The following SEH1L variants were observed in gnomAD, a reference collection of about 807,000 sequenced individuals.
The protein encoded by SEH1L is nucleoporin SEH1.
A neutral mutation model predicts 49.5 loss-of-function variants in SEH1L; 18 were observed. The observed-to-expected ratio is 0.36, with a 90% confidence interval of 0.25 to 0.54. The LOEUF (loss-of-function observed/expected upper bound fraction) is 0.54. Ranked by LOEUF, SEH1L falls within the 20% of genes least tolerant of loss-of-function variation. SEH1L has a pLI of 0.87. For missense variants in SEH1L, 404 were observed against 528.8 expected, an observed-to-expected ratio of 0.76 and a Z score of 2.31; for synonymous variants, 169 against 178.1, an observed-to-expected ratio of 0.95 and a Z score of 0.41.
chr18:12,954,179 TAGCTATACAGTGTGAA>T (rs1303816891), intron 2 of SEH1L, among the ~76,000 whole-genome samples: 6 of 152,264 alleles, frequency 3.9e-5, no homozygotes, highest in Non-Finnish European at 8.8e-5. Context: ...TAAAAAATGT[TAGCTATACAGTGTGAA>T]ACACATTTTC....
At chr18:12,971,112 T>C in intron 4 of SEH1L, 41 bp from the exon 5 acceptor site, 1 of 1,387,866 alleles carries the variant, frequency 7.2e-7, no homozygotes. Flanking sequence ...GAAATGTGTA[T>C]TTCTTTTGTT....
At position 12,948,216 on chromosome 18, in the gene SEH1L, G is replaced by A. The variant is rs759491753; in HGVS notation, c.95G>A (p.Ser32Asn). 1.2e-6 allele frequency: 2 copies of A among 1,611,888 alleles called. No individual in the cohort carries two copies. Among genetic ancestry groups the A allele is most frequent in the Admixed American group, 1.7e-5 (1 of 59,962 alleles). Residue 32 changes from serine (S) to asparagine (N), a missense_variant, in exon 1 of 9, where the codon AGC becomes AAC. Ser to Asn is a conservative substitution (Grantham distance 46, BLOSUM62 1). Transcript: ENST00000399892. ...GGGCGGCGGATGGCAACCTGCTCCA[G>A]CGATCAGAGCGTTAAGGTGCGCGCG... ...FHGRRMATCSSDQSVKVWDKS... is the reference protein window; with the variant it reads ...FHGRRMATCSNDQSVKVWDKS...
intron 3 of SEH1L, among the ~76,000 whole-genome samples, chr18:12,960,709 A>G (rs546159891): frequency 6.6e-6 from 1 of 152,322 alleles, no homozygotes; most frequent in Non-Finnish European, 1.5e-5. Context: ...AGTATACTAT[A>G]GATTGGATTT....
chr18:12,975,822 T>C (rs774987725), intron 5 of SEH1L: 6 of 985,822 alleles, frequency 6.1e-6, no homozygotes, highest in Non-Finnish European at 7.2e-6. Context: ...GGACATGCAC[T>C]GTGGCGTGGG....
intron 2 of SEH1L, among the ~76,000 whole-genome samples, chr18:12,952,204 AC>A (rs1195568876): frequency 2.7e-5 from 4 of 149,002 alleles, no homozygotes. Context: ...AAAAAAAAAA[AC>A]AAAACCTTTA....
At chr18:12,970,207 A>T (rs987808816) in intron 4 of SEH1L, among the ~76,000 whole-genome samples, 3 of 152,188 alleles carry the variant, frequency 2.0e-5, no homozygotes, top group Admixed American at 2.0e-4. Context: ...ATTAATCTGG[A>T]TGAGGGAGGC....
intron 5 of SEH1L, chr18:12,977,403 C>T (rs1460103222): frequency 6.6e-6 from 1 of 152,176 alleles, no homozygotes; most frequent in East Asian, 1.9e-4. Flanking sequence ...ATGAAATAGC[C>T]TTTGCATAGT....
intron 3 of SEH1L, among the ~76,000 whole-genome samples, chr18:12,962,459 CT>C (rs3070220): frequency 3.3e-4 from 21 of 63,652 alleles, no homozygotes; most frequent in Admixed American, 7.1e-4. Flanking sequence ...GCATGCCTTT[CT>C]TTTTTTTTTT....
chr18:12,961,815 C>T (rs115288645), intron 3 of SEH1L, among the ~76,000 whole-genome samples: 27 of 152,082 alleles, frequency 1.8e-4, no homozygotes, highest in African/African-American at 5.8e-4. Context: ...TGCAGGCGCC[C>T]GCCACAATGT....
At chr18:12,962,290 T>C (rs1455137129) in intron 3 of SEH1L, among the ~76,000 whole-genome samples, 1 of 150,846 alleles carries the variant, frequency 6.6e-6, no homozygotes, top group Non-Finnish European at 1.5e-5. Context: ...TCCCAGCTAC[T>C]GGGAAGGCTG....
intron 1 of SEH1L, chr18:12,948,553 C>T (rs1180815638): frequency 1.4e-5 from 3 of 220,760 alleles, no homozygotes; most frequent in Non-Finnish European, 2.6e-5. Context: ...CCGTCAGCCT[C>T]GGCGTCGTGG....
At chr18:12,985,885 A>G in intron 8 of SEH1L, 1 of 969,272 alleles carries the variant, frequency 1.0e-6, no homozygotes, top group Non-Finnish European at 1.2e-6. Context: ...GTTTGTAGCC[A>G]GGTTAAGCAT....
intron 1 of SEH1L, among the ~76,000 whole-genome samples, chr18:12,949,245 T>TGGA (rs1449115871): frequency 6.6e-6 from 1 of 151,954 alleles, no homozygotes; most frequent in Non-Finnish European, 1.5e-5. Flanking sequence ...GAATGAAAGC[T>TGGA]GGAGTGCGGA....
intron 6 of SEH1L, 144 bp downstream of exon 6, chr18:12,979,036 T>C (rs2032045278): frequency 2.5e-6 from 2 of 796,372 alleles, no homozygotes; most frequent in Non-Finnish European, 4.0e-6. Context: ...CTTTGAAATG[T>C]TTTTTAAAAA....
At chr18:12,979,388 AG>A (rs1273188461) in intron 6 of SEH1L, among the ~76,000 whole-genome samples, 3 of 149,056 alleles carry the variant, frequency 2.0e-5, no homozygotes, top group Non-Finnish European at 3.0e-5. Flanking sequence ...GTTGGGGGTA[AG>A]GTCACAGATC....
In SEH1L at chr18:12,984,107, T is replaced by C. The variant is rs757855180; in HGVS notation, c.987T>C (p.Ser329=). 9 of 1,613,684 alleles carry C rather than the reference T, an allele frequency of 5.6e-6. No individual in the cohort carries two copies. In the Admixed American group the frequency reaches 1.3e-4, roughly 24 times the overall value. ...GTAATGGGAGCCCAGTCAATGGGAG[T>C]TCTCAGCAGGGAACCTCAAATCCTT... ...LKGNGSPVNG[S]SQQGTSNPSL... Residue 329 remains serine (S), a synonymous_variant, in exon 8 of 9, where the codon AGT becomes AGC. Coordinates refer to ENST00000399892, the MANE Select transcript of SEH1L (RefSeq NM_001013437.2).
At chr18:12,952,001 C>CTGT in intron 2 of SEH1L, 96 bp downstream of exon 2, 1 of 645,736 alleles carries the variant, frequency 1.5e-6, no homozygotes, top group Non-Finnish European at 2.5e-6. Flanking sequence ...AACATTTATA[C>CTGT]AGTAGTTCTT....
At chr18:12,984,543 AGTGTG>A (rs1277187039) in intron 8 of SEH1L, among the ~76,000 whole-genome samples, 4 of 152,204 alleles carry the variant, frequency 2.6e-5, no homozygotes, top group Admixed American at 6.5e-5. Flanking sequence ...TAGTGCTTGT[AGTGTG>A]GTCTTTGCAT....
chr18:12,978,998 C>T lies in SEH1L; in HGVS notation c.761+106C>T, dbSNP rs116077553. 5.2e-4 allele frequency: 556 copies of T among 1,060,212 alleles called. 3 individuals are homozygous for T. The African/African-American group carries it at 8.2e-3, about 16-fold the overall frequency. 65.7% of individuals were successfully genotyped at this position (1,060,212 alleles called of 1,614,324 possible). A position where few individuals can be genotyped will look rare whatever the true frequency, so the allele number is the denominator to read the frequency against. ...AACTATGATTTGGTTTATATTTCTG[C>T]TCTGGAAGTTTTACTTAAAAATGTA... On this transcript the variant is annotated intron_variant, in intron 6 of 8. Coordinates refer to ENST00000399892, the MANE Select transcript of SEH1L (RefSeq NM_001013437.2).
Sources: allele counts gnomAD v4.1 joint callset (sites outside exome capture counted in the v4.1 genomes callset), GRCh38; gene constraint gnomAD v4.1.1; transcripts MANE v1.5; gene names NCBI Gene and HGNC (gene_info 2026-07-23, HGNC 2026-07-21).